The following ARHGAP45 variants were observed in gnomAD, a reference collection of about 807,000 sequenced individuals.
ARHGAP45 encodes rho GTPase-activating protein 45.
A neutral mutation model predicts 116.1 loss-of-function variants in ARHGAP45; 56 were observed. The ratio of observed to expected loss-of-function variants is 0.48; its 90% CI spans 0.39 to 0.60. The LOEUF is 0.60. ARHGAP45 is among the 20% of genes least tolerant of loss of function. ARHGAP45 has a pLI of 0.00. For synonymous variants in ARHGAP45, 866 were observed against 701.7 expected, an observed-to-expected ratio of 1.23 and a Z score of -3.70; for missense variants, 1,622 against 1,601.0, an observed-to-expected ratio of 1.01 and a Z score of -0.22.
Position 1,068,752 on chromosome 19 carries a change from C to G in ARHGAP45, c.421+8C>G. 1 of 1,608,240 alleles carries G rather than the reference C, an allele frequency of 6.2e-7. No individual in the cohort carries two copies. Among genetic ancestry groups the G allele is most frequent in the Non-Finnish European group, 8.5e-7 (1 of 1,176,674 alleles). On this transcript the variant is annotated splice_region_variant and intron_variant, in intron 2 of 22. Transcript: ENST00000313093. This position sits in a 1 kb window ranked among gnomAD's most constrained non-coding sequence, Gnocchi z 7.5. Reference sequence around the variant, plus strand: ...AGTGTGTGTTGCGTGACGGTGAGAGCCACGGGGACACCGAGGCCTGGGTGG... The same window carrying G: ...AGTGTGTGTTGCGTGACGGTGAGAGGCACGGGGACACCGAGGCCTGGGTGG...
rs1877037790 is a variant in ARHGAP45, at chr19:1,067,195, G to T, written c.-211G>T. On this transcript the variant is annotated 5_prime_UTR_variant, in exon 1 of 23. Transcript: ENST00000313093. ...CCGCAGAGCCGCAGGCTGAGGCCGG[G>T]AAGGGTCGGGGGCGAGGCCGCGTCG... The T allele has an allele frequency of 1.4e-5, 18 of 1,328,972 alleles. No individual in the cohort carries two copies. The highest frequency in any genetic ancestry group is 1.4e-5 in the Non-Finnish European group (15 of 1,044,508). The allele number at this position is 1,328,972 out of a possible 1,614,324, so 82.3% of individuals were successfully genotyped here.
intron 11 of ARHGAP45, among the ~76,000 whole-genome samples, chr19:1,078,257 C>T (rs2043318819): frequency 1.3e-5 from 2 of 151,868 alleles, no homozygotes; most frequent in African/African-American, 4.8e-5. Flanking sequence ...CATTCTCCTG[C>T]CTCAGCCTCC....
intron 2 of ARHGAP45, among the ~76,000 whole-genome samples, chr19:1,072,030 CT>C (rs1392288063): frequency 6.6e-6 from 1 of 150,430 alleles, no homozygotes; most frequent in African/African-American, 2.4e-5. Flanking sequence ...TTCTTTCCTT[CT>C]TTTCTTTTCT....
intron 13 of ARHGAP45, 54 bp downstream of exon 13, chr19:1,080,172 G>A (rs2043388575): frequency 3.1e-6 from 5 of 1,610,126 alleles, no homozygotes; most frequent in Middle Eastern, 1.7e-4. Context: ...CCTGGGAGCC[G>A]GGCTTCCCTC....
Position 1,073,543 on chromosome 19 carries a change from G to A in ARHGAP45, c.603G>A (p.Gln201=), listed in dbSNP as rs778098493. 22 of 1,613,956 alleles carry A rather than the reference G, an allele frequency of 1.4e-5. No individual in the cohort carries two copies. Among genetic ancestry groups the A allele is most frequent in the South Asian group, 5.5e-5 (5 of 91,068 alleles). ...AGAGCAACAATGATCTGGAGAAACA[G>A]GAGTTCGAGAAGGCCCTGGAGACGA... ...HYESNNDLEK[Q]EFEKALETIA... Residue 201 remains glutamine, a synonymous_variant, in exon 4 of 23, where the codon CAG becomes CAA. Transcript: ENST00000313093.
At chr19:1,072,469 G>A (rs550003630) in intron 2 of ARHGAP45, among the ~76,000 whole-genome samples, 2 of 151,958 alleles carry the variant, frequency 1.3e-5, no homozygotes, top group East Asian at 3.9e-4. Context: ...TGCCCAGGCT[G>A]GTCTTGAATT....
In ARHGAP45 at chr19:1,080,345, G is replaced by C. The variant is rs145609436; in HGVS notation, c.1794G>C (p.Gly598=). The C allele has an allele frequency of 5.3e-4, 852 of 1,608,440 alleles. 8 individuals are homozygous for C. The African/African-American group carries it at 0.01, about 19-fold the overall frequency. ...CCGGGAGCCCCCCAGAAGAAGGCGG[G>C]TGCACTGAGGGCACACCTGCCAAGG... ...EAAGSPPEEG[G]CTEGTPAKDH... is the part of the protein sequence containing the mutation. The change falls in exon 14 of 23, where the codon GGG becomes GGC. Residue 598 remains glycine (G), a synonymous_variant. Transcript: ENST00000313093.
At position 1,069,296 on chromosome 19, in the gene ARHGAP45, C is replaced by T. The variant is rs554953972; in HGVS notation, c.421+552C>T. 1.3e-5 allele frequency among the ~76,000 whole-genome samples: 2 copies of T among 152,106 alleles called. No homozygotes were observed. Among genetic ancestry groups the T allele is most frequent in the Admixed American group, 6.5e-5 (1 of 15,268 alleles). ...TGCTGGGACCCAGCGGCCTGCAGGC[C>T]GGCAGTTCCGTTTTCTCCTCCACGC... On this transcript the variant is annotated intron_variant, in intron 2 of 22. Transcript: ENST00000313093. This position sits in a 1 kb window ranked among gnomAD's most constrained non-coding sequence, Gnocchi z 4.1.
rs1568462243 is a variant in ARHGAP45, at chr19:1,075,035, C to A, written c.1185+156C>A. ...GCCTCGCAGGCTGGGCCGCCCCCCC[C>A]AACGCCAAGCCGGGTCGGAGATGCT... On this transcript the variant is annotated intron_variant, in intron 10 of 22. Coordinates refer to ENST00000313093, the MANE Select transcript of ARHGAP45 (RefSeq NM_012292.5). 2.1e-5 allele frequency among the ~76,000 whole-genome samples: 3 copies of A among 140,184 alleles called. No individual in the cohort carries two copies. The South Asian group carries it at 6.8e-4, about 32-fold the overall frequency. The allele number at this position is 140,184 out of a possible 152,430, so 92.0% of individuals were successfully genotyped here.
At chr19:1,070,496 A>G (rs1389984346) in intron 2 of ARHGAP45, among the ~76,000 whole-genome samples, 5 of 130,028 alleles carry the variant, frequency 3.8e-5, no homozygotes, top group Non-Finnish European at 6.2e-5. Flanking sequence ...GTGCCCGGCT[A>G]ATTTTTTTTC....
Position 1,074,794 on chromosome 19 carries a change from C to A in ARHGAP45, c.1105-5C>A. The A allele has an allele frequency of 6.2e-7, 1 of 1,602,138 alleles. No individual in the cohort carries two copies. The highest frequency in any genetic ancestry group is 1.1e-5 in the South Asian group (1 of 89,118). On this transcript the variant is annotated splice_polypyrimidine_tract_variant and splice_region_variant and intron_variant, in intron 9 of 22. Coordinates refer to ENST00000313093, the MANE Select transcript of ARHGAP45 (RefSeq NM_012292.5). Reference sequence around the variant, plus strand: ...GGTACCCACTCACGGCCCGTCTCGCCCCAGCCCCTGACCCTGCGGCGGCTT... The same window carrying A: ...GGTACCCACTCACGGCCCGTCTCGCACCAGCCCCTGACCCTGCGGCGGCTT...
At chr19:1,079,526 G>T (rs2043363224) in intron 11 of ARHGAP45, among the ~76,000 whole-genome samples, 177 bp from the exon 12 acceptor site, 1 of 151,496 alleles carries the variant, frequency 6.6e-6, no homozygotes, top group Non-Finnish European at 1.5e-5. Context: ...AAAAAGATGG[G>T]GAGGGTCTCA....
At chr19:1,070,398 T>C (rs2043118875) in intron 2 of ARHGAP45, among the ~76,000 whole-genome samples, 1 of 145,592 alleles carries the variant, frequency 6.9e-6, no homozygotes, top group Non-Finnish European at 1.5e-5. Context: ...GGGCGAGATC[T>C]CAGCTCACTG....
intron 13 of ARHGAP45, 32 bp from the exon 14 acceptor site, chr19:1,080,223 C>A: frequency 6.2e-7 from 1 of 1,611,480 alleles, no homozygotes; most frequent in Middle Eastern, 1.7e-4. Context: ...CCCCCCATCA[C>A]CTCCCCTCCT....
upstream of ARHGAP45, chr19:1,066,022 C>T (rs1306931150): frequency 9.8e-6 from 15 of 1,535,086 alleles, no homozygotes; most frequent in East Asian, 4.9e-5. Flanking sequence ...CAGCCCTCAG[C>T]GCCATGAGTC....
upstream of ARHGAP45, chr19:1,066,269 T>C: frequency 9.3e-6 from 4 of 431,144 alleles, no homozygotes; most frequent in Non-Finnish European, 7.3e-6. Flanking sequence ...GGGAGAGAGT[T>C]CACACTGCGG....
intron 10 of ARHGAP45, among the ~76,000 whole-genome samples, chr19:1,075,494 G>T (rs1013789064): frequency 6.6e-6 from 1 of 151,872 alleles, no homozygotes. Context: ...ATCCACCCGC[G>T]TCGGCCTCCC....
intron 16 of ARHGAP45, 46 bp from the exon 17 acceptor site, chr19:1,080,846 G>T: frequency 6.2e-7 from 1 of 1,607,310 alleles, no homozygotes; most frequent in African/African-American, 1.3e-5. Flanking sequence ...CCATGGGCCT[G>T]GCCCTGAGCT....
rs1056316819 is a variant in ARHGAP45, at chr19:1,071,507, C to G, written c.422-1642C>G. 5.6e-6 allele frequency: 3 copies of G among 533,580 alleles called. No individual in the cohort carries two copies. The highest frequency in any genetic ancestry group is 1.6e-4 in the South Asian group (2 of 12,214). 33.1% of individuals were successfully genotyped at this position (533,580 alleles called of 1,614,324 possible). A position where few individuals can be genotyped will look rare whatever the true frequency, so the allele number is the denominator to read the frequency against. On this transcript the variant is annotated intron_variant, in intron 2 of 22. Transcript: ENST00000313093. The surrounding 1 kb of genome is among the most constrained non-coding windows in gnomAD (Gnocchi z 4.6). ...GGGCATCCCTGCGCTGCGCAGGGGT[C>G]GCGCCGGCCGCCGGCTTCCCGGGTA...
Sources: allele counts gnomAD v4.1 joint callset (sites outside exome capture counted in the v4.1 genomes callset), GRCh38; gene constraint gnomAD v4.1.1; non-coding constraint Gnocchi (gnomAD v3.1); transcripts MANE v1.5; gene names NCBI Gene and HGNC (gene_info 2026-07-23, HGNC 2026-07-21).